The following CNTNAP2 variants were observed in gnomAD, a reference collection of about 807,000 sequenced individuals.
The protein encoded by CNTNAP2 is contactin-associated protein-like 2.
In CNTNAP2, 98 loss-of-function variants were observed where a neutral mutation model predicts 155.2. The ratio of observed to expected loss-of-function variants is 0.63; its 90% CI spans 0.54 to 0.75. The LOEUF (loss-of-function observed/expected upper bound fraction) is 0.75, where lower values mean the gene tolerates loss of function less well. Ranked by LOEUF, CNTNAP2 falls within the 30% of genes least tolerant of loss-of-function variation. The pLI is 0.00. For synonymous variants in CNTNAP2, 651 were observed against 631.2 expected (o/e 1.03, Z -0.47); for missense variants, 1,727 against 1,688.1 (o/e 1.02, Z -0.40).
chr7:148,100,824 T>C (rs1430974220), intron 15 of CNTNAP2, among the ~76,000 whole-genome samples: 1 of 152,158 alleles, frequency 6.6e-6, no homozygotes, highest in African/African-American at 2.4e-5. Flanking sequence ...TAAAGACACA[T>C]GCACACGTAT....
At chr7:147,938,316 A>G (rs899316878) in intron 14 of CNTNAP2, among the ~76,000 whole-genome samples, 2 of 152,176 alleles carry the variant, frequency 1.3e-5, no homozygotes, top group African/African-American at 4.8e-5. Context: ...ACACTAAGCT[A>G]CAGTATTTAA....
At chr7:148,236,498 A>T (rs975956342) in intron 20 of CNTNAP2, among the ~76,000 whole-genome samples, 2 of 152,194 alleles carry the variant, frequency 1.3e-5, no homozygotes, top group African/African-American at 4.8e-5. Flanking sequence ...GCTCCATGAC[A>T]TGAGGAGCAA....
chr7:147,798,971 T>C (rs965816807), intron 13 of CNTNAP2, among the ~76,000 whole-genome samples: 6 of 152,058 alleles, frequency 3.9e-5, no homozygotes, highest in South Asian at 4.1e-4. Context: ...GCAAAGAAGA[T>C]GGATGATGGT....
chr7:147,882,566 A>T (rs1418733623), intron 13 of CNTNAP2, among the ~76,000 whole-genome samples: 1 of 152,182 alleles, frequency 6.6e-6, no homozygotes, highest in East Asian at 1.9e-4. Context: ...TGCTGGAGAC[A>T]TAACTGCCGA....
chr7:146,548,477 T>C (rs993705241), intron 1 of CNTNAP2, among the ~76,000 whole-genome samples: 10 of 152,032 alleles, frequency 6.6e-5, no homozygotes, highest in African/African-American at 2.4e-4. Flanking sequence ...CAAAGGAACA[T>C]AAATCATTCC....
At chr7:148,115,314 A>G (rs990559150) in intron 15 of CNTNAP2, among the ~76,000 whole-genome samples, 2 of 152,240 alleles carry the variant, frequency 1.3e-5, no homozygotes. Context: ...TCCTTTTTCT[A>G]GAATCATTTT....
At chr7:148,230,221 C>A (rs186939217) in intron 20 of CNTNAP2, among the ~76,000 whole-genome samples, 25 of 152,306 alleles carry the variant, frequency 1.6e-4, no homozygotes, top group African/African-American at 5.8e-4. Context: ...CTCTGCAGAG[C>A]CTTTGTCTTA....
In CNTNAP2 at chr7:148,418,414, C is replaced by T; in HGVS notation, c.*2798C>T. On this transcript the variant is annotated 3_prime_UTR_variant, in exon 24 of 24. Coordinates refer to ENST00000361727, the MANE Select transcript of CNTNAP2 (RefSeq NM_014141.6). ...CAAGCACAAGTATGCTGGTAGTAGC[C>T]TCTTTAAATAATATGTATAGACAAC... 6.6e-6 allele frequency: 1 copy of T among 152,140 alleles called. No homozygotes were observed. 9.4% of individuals were successfully genotyped at this position (152,140 alleles called of 1,614,324 possible).
At chr7:146,955,823 T>C (rs1258138039) in intron 3 of CNTNAP2, among the ~76,000 whole-genome samples, 1 of 152,044 alleles carries the variant, frequency 6.6e-6, no homozygotes, top group East Asian at 1.9e-4. Context: ...ATATAAGAGA[T>C]AATTCTGATA....
chr7:146,740,238 C>T (rs1195001374), intron 1 of CNTNAP2, among the ~76,000 whole-genome samples: 6 of 148,544 alleles, frequency 4.0e-5, no homozygotes, highest in Non-Finnish European at 8.9e-5. Flanking sequence ...TCTTTTGATG[C>T]TCTCTATTGT....
intron 15 of CNTNAP2, among the ~76,000 whole-genome samples, chr7:147,990,847 T>G (rs1585065749): frequency 1.3e-5 from 2 of 152,274 alleles, no homozygotes. Flanking sequence ...TAATCATGAT[T>G]GATTAAATCA....
intron 21 of CNTNAP2, among the ~76,000 whole-genome samples, chr7:148,308,924 G>C (rs1425192693): frequency 6.6e-6 from 1 of 152,110 alleles, no homozygotes; most frequent in African/African-American, 2.4e-5. Flanking sequence ...TTTTATGGCT[G>C]CATAGTGTTC....
At chr7:148,174,630 T>C (rs1055252970) in intron 18 of CNTNAP2, among the ~76,000 whole-genome samples, 1 of 152,210 alleles carries the variant, frequency 6.6e-6, no homozygotes, top group Non-Finnish European at 1.5e-5. Context: ...ACTACGTGTT[T>C]ATACAAAATA....
At chr7:146,340,626 C>T (rs1387672928) in intron 1 of CNTNAP2, among the ~76,000 whole-genome samples, 6 of 151,968 alleles carry the variant, frequency 3.9e-5, no homozygotes. Context: ...GCAGGCAACC[C>T]TTCAAAAACT....
chr7:147,306,820 A>G (rs2116784856), intron 9 of CNTNAP2, among the ~76,000 whole-genome samples: 1 of 152,328 alleles, frequency 6.6e-6, no homozygotes, highest in Middle Eastern at 3.4e-3. Flanking sequence ...TGACCTTGAT[A>G]TGCAGCACCA....
intron 10 of CNTNAP2, among the ~76,000 whole-genome samples, chr7:147,468,842 T>TTC (rs199649757): frequency 0.042 from 2,299 of 55,334 alleles, 61 homozygotes; most frequent in African/African-American, 0.24. Context: ...CTTCTTCTTC[T>TTC]TTTTTTTTTT....
intron 21 of CNTNAP2, among the ~76,000 whole-genome samples, chr7:148,270,179 A>ACATC (rs1796749633): frequency 6.6e-6 from 1 of 152,198 alleles, no homozygotes; most frequent in South Asian, 2.1e-4. Flanking sequence ...TGAACAAATA[A>ACATC]CATCATAAAG....
intron 15 of CNTNAP2, among the ~76,000 whole-genome samples, chr7:148,022,059 A>G (rs1051287970): frequency 1.4e-4 from 22 of 152,260 alleles, no homozygotes; most frequent in East Asian, 1.9e-4. Context: ...CTCTCTTTCT[A>G]GGCCTGCAGC....
At chr7:147,168,755 A>G (rs1802170900) in intron 8 of CNTNAP2, among the ~76,000 whole-genome samples, 1 of 152,092 alleles carries the variant, frequency 6.6e-6, no homozygotes, top group South Asian at 2.1e-4. Flanking sequence ...TGAGAAATTA[A>G]TTTTAATACA....
Sources: gnomAD v4.1 joint callset for allele counts (sites outside exome capture counted in the v4.1 genomes callset) on GRCh38, gnomAD v4.1.1 for gene constraint, MANE v1.5 for transcripts, NCBI Gene and HGNC (gene_info 2026-07-23, HGNC 2026-07-21) for gene names.